The following AGBL4 variants were observed in gnomAD, a reference collection of about 807,000 sequenced individuals.
The protein encoded by AGBL4 is AGBL carboxypeptidase 4, also known as cytosolic carboxypeptidase 6.
In AGBL4, 58 loss-of-function variants were observed where a neutral mutation model predicts 66.4. The observed-to-expected ratio is 0.87, with a 90% CI of 0.71 to 1.09. AGBL4 has a LOEUF of 1.09. Among genes scored for constraint, AGBL4 ranks in the 50% least tolerant of loss-of-function variants. The probability of loss-of-function intolerance (pLI) is 0.00; values close to 1 mark genes in which losing one functional copy is unlikely to be tolerated. For missense variants in AGBL4, 579 were observed against 631.0 expected, an observed-to-expected ratio of 0.92 and a Z score of 0.88; for synonymous variants, 234 against 222.9, an observed-to-expected ratio of 1.05 and a Z score of -0.44.
chr1:49,615,648 TAA>T (rs1419742409), intron 3 of AGBL4, among the ~76,000 whole-genome samples: 3 of 152,042 alleles, frequency 2.0e-5, no homozygotes, highest in Non-Finnish European at 4.4e-5. Flanking sequence ...AAAAAATGGA[TAA>T]AAGAGTCATA....
chr1:49,212,192 A>G (rs560972596), intron 4 of AGBL4, among the ~76,000 whole-genome samples: 153 of 152,244 alleles, frequency 1.0e-3, no homozygotes, highest in African/African-American at 3.6e-3. Flanking sequence ...AGAAAATTAC[A>G]CTGGCAAGAA....
chr1:48,545,950 T>C (rs1644151770), intron 11 of AGBL4, among the ~76,000 whole-genome samples: 1 of 152,212 alleles, frequency 6.6e-6, no homozygotes, highest in Non-Finnish European at 1.5e-5. Flanking sequence ...CTCCCATGTG[T>C]ATACTGCTAT....
At chr1:49,211,227 T>C (rs1279004350) in intron 4 of AGBL4, among the ~76,000 whole-genome samples, 1 of 152,142 alleles carries the variant, frequency 6.6e-6, no homozygotes, top group Non-Finnish European at 1.5e-5. Flanking sequence ...TTATTTTTCA[T>C]TTATGTGTTC....
intron 4 of AGBL4, among the ~76,000 whole-genome samples, chr1:49,224,632 A>G (rs562013032): frequency 1.3e-5 from 2 of 151,662 alleles, no homozygotes; most frequent in African/African-American, 4.8e-5. Context: ...AAAAAAAAAA[A>G]AAAAGAAATT....
chr1:49,357,239 T>C (rs1178347380), intron 3 of AGBL4, among the ~76,000 whole-genome samples: 2 of 152,226 alleles, frequency 1.3e-5, no homozygotes, highest in Non-Finnish European at 2.9e-5. Context: ...TCCTGTGTAC[T>C]CATCTTGCTA....
intron 5 of AGBL4, among the ~76,000 whole-genome samples, chr1:48,878,136 T>C (rs1038565062): frequency 6.6e-6 from 1 of 152,182 alleles, no homozygotes; most frequent in Non-Finnish European, 1.5e-5. Context: ...GGTCAGTCTC[T>C]AGTTGGGTGG....
intron 2 of AGBL4, among the ~76,000 whole-genome samples, chr1:49,819,280 T>A (rs1645306253): frequency 6.6e-6 from 1 of 152,226 alleles, no homozygotes; most frequent in Non-Finnish European, 1.5e-5. Flanking sequence ...GTATTTTTAT[T>A]ATAATTTGGC....
chr1:48,889,564 G>T (rs1165519801), intron 5 of AGBL4, among the ~76,000 whole-genome samples: 1 of 152,192 alleles, frequency 6.6e-6, no homozygotes, highest in Non-Finnish European at 1.5e-5. Context: ...ATCTTATAAG[G>T]CTTTCGGACT....
chr1:48,823,751 AC>A (rs1646366206), intron 6 of AGBL4, among the ~76,000 whole-genome samples: 1 of 152,246 alleles, frequency 6.6e-6, no homozygotes, highest in Non-Finnish European at 1.5e-5. Context: ...AGTGGCCAAC[AC>A]AAAATATGGA....
At chr1:49,666,502 G>A (rs1269741137) in intron 3 of AGBL4, among the ~76,000 whole-genome samples, 1 of 151,918 alleles carries the variant, frequency 6.6e-6, no homozygotes, top group Non-Finnish European at 1.5e-5. Context: ...GGAGGTGGAG[G>A]TTGCAGTGAG....
chr1:49,558,089 A>G (rs1238822182), intron 3 of AGBL4, among the ~76,000 whole-genome samples: 1 of 151,928 alleles, frequency 6.6e-6, no homozygotes, highest in Non-Finnish European at 1.5e-5. Flanking sequence ...TTACCTGCTA[A>G]CTGAAGAGCC....
At chr1:49,722,676 T>C (rs1648700892) in intron 2 of AGBL4, among the ~76,000 whole-genome samples, 1 of 152,164 alleles carries the variant, frequency 6.6e-6, no homozygotes, top group Non-Finnish European at 1.5e-5. Context: ...TTTACATTGA[T>C]TGAATGGCAG....
intron 3 of AGBL4, among the ~76,000 whole-genome samples, chr1:49,680,684 T>C (rs1646675998): frequency 6.6e-6 from 1 of 152,114 alleles, no homozygotes; most frequent in Non-Finnish European, 1.5e-5. Context: ...GGCTATGATA[T>C]GTCTTGCCAT....
At chr1:49,118,749 T>C (rs148439668) in intron 4 of AGBL4, among the ~76,000 whole-genome samples, 1,696 of 152,326 alleles carry the variant, frequency 0.011, 28 homozygotes, top group African/African-American at 0.029. Context: ...TTTCTATTGA[T>C]TGGAATAGTT....
chr1:49,753,279 T>G (rs2147843044), intron 2 of AGBL4, among the ~76,000 whole-genome samples: 1 of 152,328 alleles, frequency 6.6e-6, no homozygotes, highest in Non-Finnish European at 1.5e-5. Context: ...GACAAAATCC[T>G]TCAGCATTTG....
chr1:48,927,549 G>T (rs1293657003), intron 5 of AGBL4, among the ~76,000 whole-genome samples: 1 of 152,104 alleles, frequency 6.6e-6, no homozygotes, highest in Admixed American at 6.6e-5. Context: ...TCCAGACAAG[G>T]CCTGGATGTG....
intron 5 of AGBL4, among the ~76,000 whole-genome samples, chr1:49,041,227 C>T (rs993066588): frequency 1.3e-5 from 2 of 152,068 alleles, no homozygotes; most frequent in African/African-American, 4.8e-5. Flanking sequence ...TAATTATCCT[C>T]CCTTCGAATT....
intron 6 of AGBL4, among the ~76,000 whole-genome samples, chr1:48,737,198 C>A (rs1325256595): frequency 6.6e-6 from 1 of 152,086 alleles, no homozygotes; most frequent in Non-Finnish European, 1.5e-5. Context: ...GCAAGAGAAT[C>A]GCTTGAACCT....
At chr1:48,896,693 C>T (rs2148863374) in intron 5 of AGBL4, among the ~76,000 whole-genome samples, 1 of 152,218 alleles carries the variant, frequency 6.6e-6, no homozygotes, top group East Asian at 1.9e-4. Flanking sequence ...TGTGGTGCTA[C>T]CTCAGGCTGC....
Sources: allele counts gnomAD v4.1 joint callset (sites outside exome capture counted in the v4.1 genomes callset), GRCh38; gene constraint gnomAD v4.1.1; transcripts MANE v1.5; gene names NCBI Gene and HGNC (gene_info 2026-07-23, HGNC 2026-07-21).